VEPH1: variants seen among roughly 807,000 people sequenced by gnomAD.
The protein encoded by VEPH1 is ventricular zone expressed PH domain containing 1.
A neutral mutation model predicts 85.2 loss-of-function variants in VEPH1; 80 were observed. That is an observed-to-expected ratio of 0.94 (90% CI 0.78 to 1.13). The LOEUF (loss-of-function observed/expected upper bound fraction) is 1.13, where lower values mean the gene tolerates loss of function less well. Among genes scored for constraint, VEPH1 ranks in the 50% most tolerant of loss-of-function variants. The pLI is 0.00. For missense variants in VEPH1, 955 were observed against 980.5 expected (o/e 0.97, Z 0.35); for synonymous variants, 297 against 348.0 (o/e 0.85, Z 1.63).
intron 6 of VEPH1, among the ~76,000 whole-genome samples, chr3:157,384,306 A>C (rs1468987349): frequency 6.6e-6 from 1 of 152,170 alleles, no homozygotes; most frequent in African/African-American, 2.4e-5. Flanking sequence ...AATTACCATA[A>C]ATTTATCCTG....
At chr3:157,415,629 C>T (rs2109043403) in intron 5 of VEPH1, among the ~76,000 whole-genome samples, 1 of 151,496 alleles carries the variant, frequency 6.6e-6, no homozygotes, top group African/African-American at 2.4e-5. Context: ...AGTCACTTGC[C>T]CTTTTTTGTA....
chr3:157,322,875 GAAAA>G (rs1158053468), intron 9 of VEPH1, among the ~76,000 whole-genome samples: 1 of 151,904 alleles, frequency 6.6e-6, no homozygotes, highest in Admixed American at 6.6e-5. Context: ...AATTGGACAG[GAAAA>G]AAAAGTAGAA....
intron 10 of VEPH1, among the ~76,000 whole-genome samples, chr3:157,314,123 G>A (rs915062571): frequency 1.3e-5 from 2 of 151,792 alleles, no homozygotes; most frequent in African/African-American, 2.4e-5. Flanking sequence ...ACGAGGTCAG[G>A]AGATCGAGGC....
chr3:157,428,665 C>T (rs1434378990), intron 4 of VEPH1, among the ~76,000 whole-genome samples, 177 bp from the exon 5 acceptor site: 3 of 152,044 alleles, frequency 2.0e-5, no homozygotes, highest in South Asian at 2.1e-4. Context: ...TGATTTAATC[C>T]GATTCCACAA....
At chr3:157,437,632 G>A (rs1463778514) in intron 4 of VEPH1, 19 of 1,554,400 alleles carry the variant, frequency 1.2e-5, no homozygotes, top group African/African-American at 4.1e-5. Flanking sequence ...CCTGCGGGGC[G>A]AGCTGCAGAG....
chr3:157,302,575 G>T (rs1374314717), intron 11 of VEPH1, among the ~76,000 whole-genome samples: 2 of 152,174 alleles, frequency 1.3e-5, no homozygotes, highest in Non-Finnish European at 2.9e-5. Context: ...AAGTGGGCCC[G>T]CACTAGACAC....
At chr3:157,488,644 T>C (rs1738901101) in intron 2 of VEPH1, among the ~76,000 whole-genome samples, 1 of 151,960 alleles carries the variant, frequency 6.6e-6, no homozygotes, top group African/African-American at 2.4e-5. Flanking sequence ...GTGATCTCGC[T>C]CAGTCTCAAG....
intron 11 of VEPH1, among the ~76,000 whole-genome samples, chr3:157,309,489 G>T (rs1719855552): frequency 1.3e-5 from 2 of 152,074 alleles, no homozygotes; most frequent in Admixed American, 1.3e-4. Flanking sequence ...TGTTCTCATG[G>T]AAACCCAGTC....
At chr3:157,495,718 T>C (rs959773740) in intron 1 of VEPH1, among the ~76,000 whole-genome samples, 8 of 152,236 alleles carry the variant, frequency 5.3e-5, no homozygotes, top group Non-Finnish European at 1.0e-4. Flanking sequence ...TCTCCAGAAT[T>C]TAATTTGAAC....
intron 5 of VEPH1, chr3:157,415,368 A>G (rs951489183): frequency 2.0e-5 from 3 of 152,164 alleles, no homozygotes; most frequent in Admixed American, 2.0e-4. Context: ...ATGAACAATT[A>G]TAAATTTTAA....
At chr3:157,343,227 A>C (rs1218705469) in intron 9 of VEPH1, among the ~76,000 whole-genome samples, 1 of 152,210 alleles carries the variant, frequency 6.6e-6, no homozygotes, top group Non-Finnish European at 1.5e-5. Flanking sequence ...CAAAAAATCA[A>C]TGAATCCAGG....
rs146763221 is a variant in VEPH1, at chr3:157,319,368, T to G, written c.1736-2167A>C. The stretch of plus-strand genomic sequence containing the variant: ...TGGACAAGACCAGGAGGTCTGGCAC[T>G]GAGAAAGACCTGGGAGAATAGAATG... On this transcript the variant is annotated intron_variant, in intron 9 of 13. Transcript: ENST00000362010. Among the ~76,000 whole-genome samples, 1,051 of 152,338 alleles carry G rather than the reference T, an allele frequency of 6.9e-3. 19 individuals are homozygous for G. Among genetic ancestry groups the G allele is most frequent in the African/African-American group, 0.024 (994 of 41,574 alleles).
At chr3:157,380,673 T>A (rs1728659660) in intron 7 of VEPH1, among the ~76,000 whole-genome samples, 1 of 152,186 alleles carries the variant, frequency 6.6e-6, no homozygotes, top group African/African-American at 2.4e-5. Flanking sequence ...GTATTTTCCA[T>A]GCCCCTTGAA....
chr3:157,330,846 C>G (rs1305209789), intron 9 of VEPH1, among the ~76,000 whole-genome samples: 1 of 152,174 alleles, frequency 6.6e-6, no homozygotes, highest in Non-Finnish European at 1.5e-5. Flanking sequence ...ACTATGTTAA[C>G]AGGCTGGAAA....
intron 6 of VEPH1, among the ~76,000 whole-genome samples, chr3:157,391,849 A>T (rs757712973): frequency 3.9e-5 from 6 of 152,344 alleles, no homozygotes; most frequent in South Asian, 4.1e-4. Flanking sequence ...GAAAAAGGGC[A>T]GGTCACATAC....
intron 4 of VEPH1, among the ~76,000 whole-genome samples, chr3:157,440,339 A>G (rs555826293): frequency 1.3e-5 from 2 of 152,270 alleles, no homozygotes; most frequent in East Asian, 3.9e-4. Context: ...CCTAACACTA[A>G]AGGATAAGGT....
At chr3:157,364,006 T>TA (rs942515136) in intron 8 of VEPH1, among the ~76,000 whole-genome samples, 17 of 152,332 alleles carry the variant, frequency 1.1e-4, no homozygotes, top group African/African-American at 4.1e-4. Flanking sequence ...ATAGTAGACT[T>TA]ACATATTTTT....
intron 2 of VEPH1, among the ~76,000 whole-genome samples, chr3:157,492,172 T>C (rs1416085893): frequency 2.0e-5 from 3 of 152,102 alleles, no homozygotes; most frequent in Non-Finnish European, 2.9e-5. Context: ...TTAGATGTAA[T>C]CTCAGGGAGG....
intron 1 of VEPH1, among the ~76,000 whole-genome samples, chr3:157,497,620 A>G (rs776038701): frequency 2.0e-5 from 3 of 152,178 alleles, no homozygotes; most frequent in Non-Finnish European, 4.4e-5. Flanking sequence ...CACTCCATGA[A>G]GTACATTCAA....
Sources: allele counts gnomAD v4.1 joint callset (sites outside exome capture counted in the v4.1 genomes callset), GRCh38; gene constraint gnomAD v4.1.1; transcripts MANE v1.5; gene names NCBI Gene and HGNC (gene_info 2026-07-23, HGNC 2026-07-21).